CACNB2: variants seen among roughly 807,000 people sequenced by gnomAD.
CACNB2 encodes the protein calcium voltage-gated channel auxiliary subunit beta 2, also known as voltage-dependent L-type calcium channel subunit beta-2.
In CACNB2, 42 loss-of-function variants were observed where a neutral mutation model predicts 73.3. The ratio of observed to expected loss-of-function variants is 0.57; its 90% CI spans 0.45 to 0.74. The LOEUF (loss-of-function observed/expected upper bound fraction) is 0.74, where lower values mean the gene tolerates loss of function less well. Among genes scored for constraint, CACNB2 ranks in the 30% least tolerant of loss-of-function variants. CACNB2 has a pLI of 0.00. For missense variants in CACNB2, 940 were observed against 853.0 expected (o/e 1.10, Z -1.27); for synonymous variants, 348 against 310.3 (o/e 1.12, Z -1.28).
At position 18,381,472 on chromosome 10, in the gene CACNB2, G is replaced by A. The variant is rs76884243; in HGVS notation, c.214-20452G>A. Among the ~76,000 whole-genome samples the A allele has an allele frequency of 9.9e-3, 1,494 of 151,278 alleles. 30 individuals carry two copies. The highest frequency in any genetic ancestry group is 0.038 in the East Asian group (195 of 5,138). ...TTGGGAGGCTGAGGCGGGTGGATCC[G>A]GAGGTCAGGAGTCAAGACCAGCCTG... On this transcript the variant is annotated intron_variant, in intron 2 of 13. Coordinates refer to ENST00000324631, the MANE Select transcript of CACNB2 (RefSeq NM_201596.3).
rs112123985 is a variant in CACNB2 at position 18,293,565 on chromosome 10, T to C, written c.214-108359T>C. Among the ~76,000 whole-genome samples, 46 of 152,314 alleles carry C rather than the reference T, an allele frequency of 3.0e-4. 2 individuals are homozygous for C. The highest frequency in any genetic ancestry group is 1.1e-3 in the African/African-American group (45 of 41,578). ...ATTAAGCTCAGACTCTACCCTTGGG[T>C]TGGGTTTACTTCATACTCAATTATG... On this transcript the variant is annotated intron_variant, in intron 2 of 13. Transcript: ENST00000324631.
chr10:18,453,461 G>C (rs1321012749), intron 3 of CACNB2, among the ~76,000 whole-genome samples: 2 of 152,052 alleles, frequency 1.3e-5, no homozygotes, highest in East Asian at 3.9e-4. Flanking sequence ...CCCTCCATGA[G>C]GCTTGGAATC....
At chr10:18,359,606 T>G (rs888316989) in intron 2 of CACNB2, among the ~76,000 whole-genome samples, 14 of 152,066 alleles carry the variant, frequency 9.2e-5, no homozygotes, top group Admixed American at 6.6e-5. Flanking sequence ...GTTTTGTTTT[T>G]TTTTTTCTTT....
intron 2 of CACNB2, among the ~76,000 whole-genome samples, chr10:18,295,768 T>C (rs1216821426): frequency 6.6e-6 from 1 of 152,198 alleles, no homozygotes; most frequent in Non-Finnish European, 1.5e-5. Context: ...ATACATTAAG[T>C]ATGTGCATGT....
chr10:18,491,754 A>T (rs2049440296), intron 3 of CACNB2, among the ~76,000 whole-genome samples: 1 of 144,878 alleles, frequency 6.9e-6, no homozygotes, highest in South Asian at 2.3e-4. Context: ...TTGATTAACA[A>T]ATGGTTTCAT....
At chr10:18,463,566 C>T (rs954615349) in intron 3 of CACNB2, among the ~76,000 whole-genome samples, 5 of 150,940 alleles carry the variant, frequency 3.3e-5, no homozygotes, top group African/African-American at 1.2e-4. Context: ...AGGTGCACGC[C>T]ACAATGCCCT....
At chr10:18,427,059 G>A (rs918178305) in intron 3 of CACNB2, among the ~76,000 whole-genome samples, 12 of 146,248 alleles carry the variant, frequency 8.2e-5, no homozygotes, top group African/African-American at 2.8e-4. Flanking sequence ...GGGTTCAAGC[G>A]ATTCTCCTGC....
At chr10:18,448,149 A>G (rs1424726179) in intron 3 of CACNB2, among the ~76,000 whole-genome samples, 1 of 152,088 alleles carries the variant, frequency 6.6e-6, no homozygotes, top group Admixed American at 6.5e-5. Flanking sequence ...GAGCCACTGT[A>G]CCTGGACCTA....
intron 2 of CACNB2, 109 bp downstream of exon 2, chr10:18,151,084 C>A: frequency 1.3e-6 from 1 of 777,772 alleles, no homozygotes; most frequent in Non-Finnish European, 2.3e-6. Context: ...ATTGTACTTA[C>A]TTTTAATTGA....
intron 3 of CACNB2, among the ~76,000 whole-genome samples, chr10:18,451,210 C>T (rs1234749067): frequency 1.3e-5 from 2 of 152,184 alleles, no homozygotes; most frequent in African/African-American, 2.4e-5. Flanking sequence ...TATTTATCAG[C>T]CTCCTGATGT....
In CACNB2 at chr10:18,534,110, A is replaced by G. The variant is rs200212979; in HGVS notation, c.1089A>G (p.Glu363=). 8.7e-6 allele frequency: 14 copies of G among 1,614,100 alleles called. No individual in the cohort carries two copies. Among genetic ancestry groups the G allele is most frequent in the Non-Finnish European group, 1.2e-5 (14 of 1,179,960 alleles). The part of the protein sequence containing the change: ...EVQSEIERIF[E]LARTLQLVVL... ...AGAGTGAAATCGAAAGGATTTTTGA[A>G]CTTGCAAGAACATTGCAGTTGGTGG... Residue 363 remains glutamate, a synonymous_variant, in exon 11 of 14, where the codon GAA becomes GAG. Coordinates refer to ENST00000324631, the MANE Select transcript of CACNB2 (RefSeq NM_201596.3).
At chr10:18,348,479 G>GGACA (rs370595547) in intron 2 of CACNB2, among the ~76,000 whole-genome samples, 2 of 152,186 alleles carry the variant, frequency 1.3e-5, no homozygotes, top group Non-Finnish European at 2.9e-5. Flanking sequence ...ACAGATGGAT[G>GGACA]GACAGACAGA....
Position 18,406,456 on chromosome 10 carries a change from C to T in CACNB2, c.333+4413C>T, listed in dbSNP as rs1020283508. Among the ~76,000 whole-genome samples, 4 of 152,154 alleles carry T rather than the reference C, an allele frequency of 2.6e-5. No individual in the cohort carries two copies. The South Asian group carries it at 6.2e-4, about 24-fold the overall frequency. Reference sequence around the variant, plus strand: ...ACTGCTCACATAACCACCTGAGCTCCGCCTCCTGTCAGATCAATGGCAGCA... The same window carrying T: ...ACTGCTCACATAACCACCTGAGCTCTGCCTCCTGTCAGATCAATGGCAGCA... On this transcript the variant is annotated intron_variant, in intron 3 of 13. Coordinates refer to ENST00000324631, the MANE Select transcript of CACNB2 (RefSeq NM_201596.3).
intron 9 of CACNB2, among the ~76,000 whole-genome samples, chr10:18,522,218 T>A (rs952293182): frequency 1.3e-5 from 2 of 151,988 alleles, no homozygotes; most frequent in African/African-American, 4.8e-5. Flanking sequence ...AGCTCAGGGA[T>A]CCCACTGATT....
At chr10:18,466,494 A>G (rs74420980) in intron 3 of CACNB2, among the ~76,000 whole-genome samples, 4,642 of 152,186 alleles carry the variant, frequency 0.031, 95 homozygotes, top group East Asian at 0.098. Context: ...CAGCCTGTCA[A>G]TATTTTACCT....
intron 2 of CACNB2, among the ~76,000 whole-genome samples, chr10:18,251,739 G>A (rs547402612): frequency 2.0e-5 from 3 of 152,348 alleles, no homozygotes; most frequent in Non-Finnish European, 4.4e-5. Flanking sequence ...AGGTGAAGGG[G>A]AAGCAACCAC....
intron 2 of CACNB2, among the ~76,000 whole-genome samples, chr10:18,240,226 G>A (rs1344589022): frequency 3.9e-5 from 6 of 152,070 alleles, no homozygotes; most frequent in Non-Finnish European, 8.8e-5. Context: ...CATCCCACTT[G>A]GACTCTCTCT....
intron 3 of CACNB2, among the ~76,000 whole-genome samples, chr10:18,451,178 C>T (rs2047005483): frequency 1.3e-5 from 2 of 152,172 alleles, no homozygotes; most frequent in African/African-American, 2.4e-5. Flanking sequence ...AGCATTTCCT[C>T]AGTGGTTCTT....
chr10:18,365,918 G>T (rs546731180), intron 2 of CACNB2, among the ~76,000 whole-genome samples: 1 of 152,160 alleles, frequency 6.6e-6, no homozygotes, highest in African/African-American at 2.4e-5. Flanking sequence ...TGTCAATTTG[G>T]CCTGTGGAGG....
Sources: gnomAD v4.1 joint callset for allele counts (sites outside exome capture counted in the v4.1 genomes callset) on GRCh38, gnomAD v4.1.1 for gene constraint, MANE v1.5 for transcripts, NCBI Gene and HGNC (gene_info 2026-07-23, HGNC 2026-07-21) for gene names.